NUTM1: variants seen among roughly 807,000 people sequenced by gnomAD.
NUTM1 encodes NUT family member 1.
Under a neutral mutation model 88.7 loss-of-function variants are expected in NUTM1, and 39 were observed. The observed-to-expected ratio is 0.44, with a 90% CI of 0.34 to 0.57. The LOEUF (loss-of-function observed/expected upper bound fraction) is 0.57. Among genes scored for constraint, NUTM1 ranks in the 20% least tolerant of loss-of-function variants. The pLI is 0.01. For missense variants in NUTM1, 1,350 were observed against 1,414.5 expected, an observed-to-expected ratio of 0.95 and a Z score of 0.73; for synonymous variants, 494 against 538.0, an observed-to-expected ratio of 0.92 and a Z score of 1.13.
At chr15:34,345,558 G>A (rs191660762) in intron 1 of NUTM1, among the ~76,000 whole-genome samples, 1 of 152,274 alleles carries the variant, frequency 6.6e-6, no homozygotes, top group African/African-American at 2.4e-5. Flanking sequence ...AATTAAGTCA[G>A]GGGTCTACAG....
Position 34,356,365 on chromosome 15 carries a change from G to A in NUTM1, c.2357G>A (p.Gly786Asp). ...VEKCVTEYQEGCQGLGSRGNI... is the reference protein window; with the variant it reads ...VEKCVTEYQEDCQGLGSRGNI... ...AAGTGTGTAACTGAGTATCAGGAAG[G>A]CTGCCAGGGACTGGGCTCCAGGGGC... Residue 786 changes from glycine to aspartate, a missense_variant, in exon 8 of 8, where the codon GGC becomes GAC. Physicochemically the swap from Gly to Asp is moderately conservative, Grantham distance 94 (BLOSUM62 -1). Coordinates refer to ENST00000537011, the MANE Select transcript of NUTM1 (RefSeq NM_001284292.2). 5 of 1,613,802 alleles carry A rather than the reference G, an allele frequency of 3.1e-6. No homozygotes were observed. Among genetic ancestry groups the A allele is most frequent in the Non-Finnish European group, 4.2e-6 (5 of 1,179,926 alleles).
chr15:34,354,171 T>A (rs1327524901), intron 5 of NUTM1, among the ~76,000 whole-genome samples: 2 of 152,100 alleles, frequency 1.3e-5, no homozygotes, highest in Admixed American at 6.5e-5. Context: ...TTTCTTGGAA[T>A]CTCAGGGATT....
chr15:34,350,705 C>T lies in NUTM1; in HGVS notation c.811C>T (p.Pro271Ser), dbSNP rs760666147. 2 of 1,611,370 alleles carry T rather than the reference C, an allele frequency of 1.2e-6. No homozygotes were observed. Among genetic ancestry groups the T allele is most frequent in the African/African-American group, 1.3e-5 (1 of 74,788 alleles). ...DTEALSCFLIPVLRSLARLKP... is the reference protein window; with the variant it reads ...DTEALSCFLISVLRSLARLKP... ...TGACTGACTCAATGGGGGTTTTAGC[C>T]CAGTGCTTCGTTCCCTGGCCCGGCT... Residue 271 changes from proline to serine, a missense_variant and splice_region_variant, in exon 4 of 8, where the codon CCA becomes TCA. By Grantham distance (74) the Pro-to-Ser change is moderately conservative. This residue lies in a region of NUTM1 where 399 missense variants were observed against 397.9 expected (regional missense o/e 1.00). Coordinates refer to ENST00000537011, the MANE Select transcript of NUTM1 (RefSeq NM_001284292.2).
In NUTM1 at chr15:34,348,665, C is replaced by A; in HGVS notation, c.797C>A (p.Ser266Tyr). 1.2e-6 allele frequency: 2 copies of A among 1,602,546 alleles called. No homozygotes were observed. The highest frequency in any genetic ancestry group is 1.7e-6 in the Non-Finnish European group (2 of 1,177,262). Reference protein sequence around the residue: ...LSQSPDTEALSCFLIPVLRSL... With the variant: ...LSQSPDTEALYCFLIPVLRSL... Reference sequence around the variant, plus strand: ...CAGAGTCCTGACACAGAAGCTCTTTCCTGTTTTCTTATGTAAGTGGGGAGA... The same window carrying A: ...CAGAGTCCTGACACAGAAGCTCTTTACTGTTTTCTTATGTAAGTGGGGAGA... The change falls in exon 3 of 8, where the codon TCC (serine) becomes TAC (tyrosine). Residue 266 changes from serine to tyrosine, a missense_variant. Physicochemically the swap from Ser to Tyr is moderately radical, Grantham distance 144. This residue lies in a region of NUTM1 where 399 missense variants were observed against 397.9 expected (regional missense o/e 1.00). Transcript: ENST00000537011.
intron 2 of NUTM1, among the ~76,000 whole-genome samples, chr15:34,346,988 A>C (rs1385438579): frequency 1.3e-5 from 2 of 151,816 alleles, no homozygotes; most frequent in Admixed American, 6.6e-5. Context: ...AAAAAGAAGC[A>C]ACTTCTTTAA....
rs748271654 is a variant in NUTM1 at position 34,356,969 on chromosome 15, G to C, written c.2961G>C (p.Gly987=). The change falls in exon 8 of 8, where the codon GGG becomes GGC. Residue 987 remains glycine (G), a synonymous_variant. Coordinates refer to ENST00000537011, the MANE Select transcript of NUTM1 (RefSeq NM_001284292.2). ...AGAGTCAGGAGTCTTACACAACTGG[G>C]ACTCCCAAAGCAACATCTTCTCACC... ...LQESQESYTT[G]TPKATSSHQG... is the part of the protein sequence containing the mutation. 2 of 1,613,850 alleles carry C rather than the reference G, an allele frequency of 1.2e-6. No homozygotes were observed.
In NUTM1 at chr15:34,343,468, G is replaced by A. The variant is rs1280533909; in HGVS notation, c.-229G>A. Reference sequence around the variant, plus strand: ...GAAGAAACAAGGGCTCCAGGATTCAGAGCCCCTTTACCCTAGGGAAGAAAG... The same window carrying A: ...GAAGAAACAAGGGCTCCAGGATTCAAAGCCCCTTTACCCTAGGGAAGAAAG... On this transcript the variant is annotated 5_prime_UTR_variant, in exon 1 of 8. Transcript: ENST00000537011. The A allele has an allele frequency of 1.9e-5, 18 of 942,730 alleles. No individual in the cohort carries two copies. Among genetic ancestry groups the A allele is most frequent in the Non-Finnish European group, 2.6e-5 (17 of 648,152 alleles). 58.4% of individuals were successfully genotyped at this position (942,730 alleles called of 1,614,324 possible).
chr15:34,351,363 C>T (rs1595611120), intron 4 of NUTM1, among the ~76,000 whole-genome samples: 1 of 118,902 alleles, frequency 8.4e-6, no homozygotes, highest in Non-Finnish European at 1.7e-5. Context: ...GCCTGGACAA[C>T]ATAGCAAGAC....
chr15:34,356,124 G>A lies in NUTM1; in HGVS notation c.2116G>A (p.Ala706Thr), dbSNP rs956550608. The A allele has an allele frequency of 1.9e-6, 3 of 1,613,372 alleles. No homozygotes were observed. Among genetic ancestry groups the A allele is most frequent in the African/African-American group, 1.3e-5 (1 of 74,918 alleles). ...GCTTCCTCAAGGGAAGGAGCCTTTA[G>A]CAGTGCCCTGGGAAGGCTCTTCAGG... The part of the protein sequence containing the change: ...GVLPQGKEPL[A>T]VPWEGSSGAM... Residue 706 changes from alanine to threonine, a missense_variant, in exon 8 of 8, where the codon GCA (alanine) becomes ACA (threonine). Transcript: ENST00000537011.
chr15:34,348,415 C>T lies in NUTM1; in HGVS notation c.547C>T (p.Pro183Ser). The change falls in exon 3 of 8, where the codon CCT becomes TCT. Residue 183 changes from proline (P) to serine (S), a missense_variant. Coordinates refer to ENST00000537011, the MANE Select transcript of NUTM1 (RefSeq NM_001284292.2). Reference protein sequence around the residue: ...SKAVGVSQEGPPGLPPQPPPP... With the variant: ...SKAVGVSQEGSPGLPPQPPPP... The stretch of plus-strand genomic sequence containing the variant: ...GGCTGTTGGTGTCAGCCAGGAGGGT[C>T]CTCCAGGCCTTCCGCCTCAGCCTCC... The T allele has an allele frequency of 1.2e-6, 2 of 1,614,184 alleles. No individual in the cohort carries two copies. Among genetic ancestry groups the T allele is most frequent in the Non-Finnish European group, 1.7e-6 (2 of 1,180,000 alleles).
At chr15:34,353,958 T>C (rs1890752997) in intron 5 of NUTM1, 86 bp downstream of exon 5, 1 of 1,435,494 alleles carries the variant, frequency 7.0e-7, no homozygotes, top group Admixed American at 1.9e-5. Context: ...AGAGAAGGCA[T>C]AGCCCAGGCT....
chr15:34,347,546 C>A (rs1352611404), intron 2 of NUTM1, among the ~76,000 whole-genome samples: 1 of 152,024 alleles, frequency 6.6e-6, no homozygotes, highest in Non-Finnish European at 1.5e-5. Context: ...ATATGAACCA[C>A]CGTGCCCGGC....
chr15:34,354,462 G>A lies in NUTM1; in HGVS notation c.1092G>A (p.Lys364=). The change falls in exon 6 of 8, where the codon AAG becomes AAA. Residue 364 remains lysine (K), a synonymous_variant. Transcript: ENST00000537011. ...TTCCCTTAGTGTACATTCCGAAGAA[G>A]GCAGCCTCCAAGACACGGGCCCCCC... ...VCQQPVYIPK[K]AASKTRAPRR... 6.2e-7 allele frequency: 1 copy of A among 1,614,026 alleles called. No homozygotes were observed. Among genetic ancestry groups the A allele is most frequent in the South Asian group, 1.1e-5 (1 of 91,078 alleles).
rs772716400 is a variant in NUTM1 at position 34,355,483 on chromosome 15, T to G, written c.1480-5T>G. 3.7e-6 allele frequency: 6 copies of G among 1,614,092 alleles called. No individual in the cohort carries two copies. The East Asian group carries it at 1.3e-4, about 36-fold the overall frequency. Reference sequence around the variant, plus strand: ...TAGAACTGACTATTTGTTCATTTCTTTCAGCTGGTCCAGAAGCGACTCATG... The same window carrying G: ...TAGAACTGACTATTTGTTCATTTCTGTCAGCTGGTCCAGAAGCGACTCATG... On this transcript the variant is annotated splice_polypyrimidine_tract_variant and splice_region_variant and intron_variant, in intron 7 of 7. Transcript: ENST00000537011. The surrounding 1 kb of genome is among the most constrained non-coding windows in gnomAD (Gnocchi z 4.3).
Position 34,356,333 on chromosome 15 carries a change from A to T in NUTM1, c.2325A>T (p.Gln775His). The stretch of plus-strand genomic sequence containing the variant: ...TAGAGGAGGTCATAGAGAGCTTCCA[A>T]GTTGAGAAGTGTGTAACTGAGTATC... ...VQIEEVIESFQVEKCVTEYQE... is the reference protein window; with the variant it reads ...VQIEEVIESFHVEKCVTEYQE... The change falls in exon 8 of 8, where the codon CAA (glutamine) becomes CAT (histidine). Residue 775 changes from glutamine (Q) to histidine (H), a missense_variant. By Grantham distance (24) the Gln-to-His change is conservative (BLOSUM62 0). Coordinates refer to ENST00000537011, the MANE Select transcript of NUTM1 (RefSeq NM_001284292.2). The T allele has an allele frequency of 6.2e-7, 1 of 1,613,920 alleles. No homozygotes were observed. The highest frequency in any genetic ancestry group is 1.1e-5 in the South Asian group (1 of 91,042).
In NUTM1 at chr15:34,356,633, T is replaced by G; in HGVS notation, c.2625T>G (p.Gly875=). 1.9e-6 allele frequency: 3 copies of G among 1,613,900 alleles called. No homozygotes were observed. The highest frequency in any genetic ancestry group is 2.5e-6 in the Non-Finnish European group (3 of 1,179,970). Reference sequence around the variant, plus strand: ...GTTGCTTCCCATTGCTAGAAAGTGGTGATTCCACACTGGGGTCTTCCAAAG... The same window carrying G: ...GTTGCTTCCCATTGCTAGAAAGTGGGGATTCCACACTGGGGTCTTCCAAAG... ...AEGCFPLLES[G]DSTLGSSKET... The change falls in exon 8 of 8, where the codon GGT becomes GGG. Residue 875 remains glycine, a synonymous_variant. Transcript: ENST00000537011.
Position 34,355,471 on chromosome 15 carries a change from T to A in NUTM1, c.1480-17T>A. 6 of 1,613,654 alleles carry A rather than the reference T, an allele frequency of 3.7e-6. No individual in the cohort carries two copies. The highest frequency in any genetic ancestry group is 5.1e-6 in the Non-Finnish European group (6 of 1,179,678). ...CACAACCACGTATAGAACTGACTATTTGTTCATTTCTTTCAGCTGGTCCAG... is the reference window on the plus strand; with the variant it reads ...CACAACCACGTATAGAACTGACTATATGTTCATTTCTTTCAGCTGGTCCAG... On this transcript the variant is annotated splice_polypyrimidine_tract_variant and intron_variant, in intron 7 of 7. Transcript: ENST00000537011. This position sits in a 1 kb window ranked among gnomAD's most constrained non-coding sequence, Gnocchi z 4.3.
At chr15:34,343,760 A>G (rs1890529725) in intron 1 of NUTM1, 58 bp downstream of exon 1, 4 of 1,465,136 alleles carry the variant, frequency 2.7e-6, no homozygotes. Flanking sequence ...TACAATTTTT[A>G]AAAGAATATA....
Position 34,346,881 on chromosome 15 carries a change from T to TAAAAAAAAAAA in NUTM1, c.100+862_100+872dup, listed in dbSNP as rs10671676. 2.0e-3 allele frequency among the ~76,000 whole-genome samples: 70 copies of TAAAAAAAAAAA among 34,324 alleles called. 28 individuals carry two copies. Among genetic ancestry groups the TAAAAAAAAAAA allele is most frequent in the East Asian group, 7.8e-3 (7 of 892 alleles). The allele number at this position is 34,324 out of a possible 152,430, so 22.5% of individuals were successfully genotyped here. A position where few individuals can be genotyped will look rare whatever the true frequency, so the allele number is the denominator to read the frequency against. Reference sequence around the variant, plus strand: ...ATGGGCCACAGAGCAAGACTCCATCTAAAAAAAAAAAAAAAAAAAAAAAAA... The same window carrying TAAAAAAAAAAA: ...ATGGGCCACAGAGCAAGACTCCATCTAAAAAAAAAAAAAAAAAAAAAAAAAAAAAAAAAAAA... On this transcript the variant is annotated intron_variant, in intron 2 of 7. Transcript: ENST00000537011.
Sources: gnomAD v4.1 joint callset for allele counts (sites outside exome capture counted in the v4.1 genomes callset) on GRCh38, gnomAD v4.1.1 for gene constraint, gnomAD v4.1.1 regional missense constraint, Gnocchi (gnomAD v3.1) non-coding constraint, MANE v1.5 for transcripts, NCBI Gene and HGNC (gene_info 2026-07-23, HGNC 2026-07-21) for gene names.